Variants in LY9 observed in about 807,000 individuals in gnomAD.
LY9 encodes the protein lymphocyte antigen 9, also known as T-lymphocyte surface antigen Ly-9.
In LY9, 59 loss-of-function variants were observed where a neutral mutation model predicts 64.6. The ratio of observed to expected loss-of-function variants is 0.91; its 90% CI spans 0.74 to 1.13. The LOEUF (loss-of-function observed/expected upper bound fraction) is 1.13, where lower values mean the gene tolerates loss of function less well. Among genes scored for constraint, LY9 ranks in the 50% most tolerant of loss-of-function variants. LY9 has a pLI of 0.00. For missense variants in LY9, 789 were observed against 797.2 expected (o/e 0.99, Z 0.12); for synonymous variants, 281 against 308.5 (o/e 0.91, Z 0.93).
intron 1 of LY9, 33 bp from the exon 2 acceptor site, chr1:160,799,720 C>A: frequency 7.1e-7 from 1 of 1,400,894 alleles, no homozygotes; most frequent in Non-Finnish European, 1.0e-6. Context: ...AGGAGTCTAG[C>A]TGCTCCTCCA....
At chr1:160,800,937 A>G (rs942872944) in intron 2 of LY9, among the ~76,000 whole-genome samples, 4 of 152,206 alleles carry the variant, frequency 2.6e-5, no homozygotes, top group Admixed American at 6.5e-5. Context: ...GTATGTGTAT[A>G]CTGCATTTTC....
intron 9 of LY9, among the ~76,000 whole-genome samples, chr1:160,825,675 C>T (rs1224253354): frequency 6.6e-6 from 1 of 152,012 alleles, no homozygotes; most frequent in Non-Finnish European, 1.5e-5. Flanking sequence ...TTTGGGAGGC[C>T]GAGGCAGGTG....
At chr1:160,818,528 G>T (rs1323121519) in intron 6 of LY9, among the ~76,000 whole-genome samples, 11 of 152,112 alleles carry the variant, frequency 7.2e-5, no homozygotes, top group Non-Finnish European at 1.3e-4. Flanking sequence ...GAAAAAAAAA[G>T]GCATGTGGGA....
intron 2 of LY9, chr1:160,810,538 C>T (rs1174012316): frequency 1.3e-5 from 2 of 152,188 alleles, no homozygotes; most frequent in African/African-American, 4.8e-5. Flanking sequence ...TTAATTACCT[C>T]TTTAGATGCC....
intron 5 of LY9, among the ~76,000 whole-genome samples, 166 bp from the exon 6 acceptor site, chr1:160,818,052 A>G (rs1668094708): frequency 6.6e-6 from 1 of 152,202 alleles, no homozygotes; most frequent in Non-Finnish European, 1.5e-5. Context: ...TCTTGCCTAG[A>G]GTAATGCTTG....
At chr1:160,803,762 C>T (rs762476300) in intron 2 of LY9, among the ~76,000 whole-genome samples, 3 of 152,168 alleles carry the variant, frequency 2.0e-5, no homozygotes, top group African/African-American at 4.8e-5. Flanking sequence ...AATCCTAGCA[C>T]TTTGGGAGAC....
In LY9 at chr1:160,813,761, A is replaced by G. The variant is rs1667711872; in HGVS notation, c.580A>G (p.Arg194Gly). 5 of 1,614,154 alleles carry G rather than the reference A, an allele frequency of 3.1e-6. No homozygotes were observed. Among genetic ancestry groups the G allele is most frequent in the Admixed American group, 1.7e-5 (1 of 60,024 alleles). The change falls in exon 3 of 10, where the codon AGG becomes GGG. Residue 194 changes from arginine (R) to glycine (G), a missense_variant. Transcript: ENST00000263285. ...AAGTGTTCTGTACAGCTGGACCCCAAGGGAACCCCATGCTTCTGAGTCCAA... is the reference window on the plus strand; with the variant it reads ...AAGTGTTCTGTACAGCTGGACCCCAGGGGAACCCCATGCTTCTGAGTCCAA... ...EKSVLYSWTPREPHASESNGG... is the reference protein window; with the variant it reads ...EKSVLYSWTPGEPHASESNGG...
At chr1:160,798,587 C>A (rs1214430788) in intron 1 of LY9, among the ~76,000 whole-genome samples, 1 of 152,106 alleles carries the variant, frequency 6.6e-6, no homozygotes, top group Admixed American at 6.5e-5. Flanking sequence ...TTCTCATGTC[C>A]AGGATCCCTA....
intron 1 of LY9, among the ~76,000 whole-genome samples, chr1:160,797,763 C>T (rs1395862379): frequency 2.6e-5 from 4 of 152,092 alleles, no homozygotes; most frequent in South Asian, 4.1e-4. Context: ...TAAATCATTG[C>T]TCCATCATTT....
rs73017967 is a variant in LY9, at chr1:160,800,258, T to C, written c.454+176T>C. 1.9e-3 allele frequency: 1,114 copies of C among 585,202 alleles called. 7 individuals carry two copies. In the African/African-American group the frequency reaches 0.02, roughly 11 times the overall value. The allele number at this position is 585,202 out of a possible 1,614,324, so 36.3% of individuals were successfully genotyped here. ...CCTGTTAAGTATAGTCACCCTACTC[T>C]GCTATCAAAAATTGAATTGATTTTC... On this transcript the variant is annotated intron_variant, in intron 2 of 9. Transcript: ENST00000263285.
chr1:160,805,774 CACACACACT>C lies in LY9; in HGVS notation c.454+5693_454+5701del, dbSNP rs1219124632. ...ACACACACACACACACACACACACA[CACACACACT>C]CTTACTCTCACTCTCTCTCTGGTAA... On this transcript the variant is annotated intron_variant, in intron 2 of 9. Transcript: ENST00000263285. Among the ~76,000 whole-genome samples, 14 of 148,550 alleles carry C rather than the reference CACACACACT, an allele frequency of 9.4e-5. No individual in the cohort carries two copies. The South Asian group carries it at 3.0e-3, about 32-fold the overall frequency.
Position 160,827,833 on chromosome 1 carries a change from T to C in LY9, c.*17T>C. ...TTCACCTGAAAGGAAAAGCAGCTGCTGCCTCTCTCCTGGGACCGTGGGGTT... is the reference window on the plus strand; with the variant it reads ...TTCACCTGAAAGGAAAAGCAGCTGCCGCCTCTCTCCTGGGACCGTGGGGTT... On this transcript the variant is annotated 3_prime_UTR_variant, in exon 10 of 10. Transcript: ENST00000263285. The C allele has an allele frequency of 6.5e-7, 1 of 1,532,236 alleles. No individual in the cohort carries two copies. Among genetic ancestry groups the C allele is most frequent in the East Asian group, 2.3e-5 (1 of 43,726 alleles). The allele number at this position is 1,532,236 out of a possible 1,614,324, so 94.9% of individuals were successfully genotyped here.
intron 3 of LY9, 88 bp downstream of exon 3, chr1:160,813,999 C>A: frequency 4.3e-6 from 6 of 1,394,990 alleles, no homozygotes; most frequent in Non-Finnish European, 5.9e-6. Context: ...TGGTCAGACA[C>A]ACAGGGGGTG....
intron 7 of LY9, among the ~76,000 whole-genome samples, chr1:160,822,314 T>C (rs1328118568): frequency 6.6e-6 from 1 of 152,116 alleles, no homozygotes; most frequent in Non-Finnish European, 1.5e-5. Context: ...GTGTCTGATT[T>C]ACCTAGGGCT....
At chr1:160,808,240 C>T (rs993244150) in intron 2 of LY9, among the ~76,000 whole-genome samples, 2 of 152,154 alleles carry the variant, frequency 1.3e-5, no homozygotes, top group Non-Finnish European at 2.9e-5. Context: ...AACTGCAGCC[C>T]ACACCTCTCT....
At chr1:160,821,165 A>AAAAAAAC (rs796579729) in intron 7 of LY9, among the ~76,000 whole-genome samples, 2,083 of 150,162 alleles carry the variant, frequency 0.014, 92 homozygotes, top group African/African-American at 0.049. Context: ...AAAAAAAAAA[A>AAAAAAAC]AAAACCATAT....
In LY9 at chr1:160,823,570, G is replaced by A. The variant is rs1260070393; in HGVS notation, c.1604G>A (p.Ser535Asn). 1 of 1,614,046 alleles carries A rather than the reference G, an allele frequency of 6.2e-7. No homozygotes were observed. Among genetic ancestry groups the A allele is most frequent in the Non-Finnish European group, 8.5e-7 (1 of 1,179,898 alleles). Residue 535 changes from serine (S) to asparagine (N), a missense_variant, in exon 8 of 10, where the codon AGC becomes AAC. Ser to Asn is a conservative substitution (Grantham distance 46). Coordinates refer to ENST00000263285, the MANE Select transcript of LY9 (RefSeq NM_002348.4). ...CAACAGCCTACACCCACCTCAGACA[G>A]CAGCTCTGACAGCAACCTCACAACT... ...ARQQPTPTSD[S>N]SSDSNLTTEE...
intron 9 of LY9, among the ~76,000 whole-genome samples, chr1:160,827,506 T>C (rs555614854): frequency 6.6e-6 from 1 of 152,354 alleles, no homozygotes; most frequent in Admixed American, 6.5e-5. Context: ...ATCCCCTGGA[T>C]TTGCTGCACT....
intron 3 of LY9, among the ~76,000 whole-genome samples, 165 bp from the exon 4 acceptor site, chr1:160,814,255 A>G (rs1667757030): frequency 6.6e-6 from 1 of 152,206 alleles, no homozygotes; most frequent in Non-Finnish European, 1.5e-5. Flanking sequence ...GCCCAGTGGA[A>G]CAGGTGGTCA....
Sources: gnomAD v4.1 joint callset for allele counts (sites outside exome capture counted in the v4.1 genomes callset) on GRCh38, gnomAD v4.1.1 for gene constraint, MANE v1.5 for transcripts, NCBI Gene and HGNC (gene_info 2026-07-23, HGNC 2026-07-21) for gene names.